The following KCNN2 variants were observed in gnomAD, a reference collection of about 807,000 sequenced individuals.
The protein encoded by KCNN2 is small conductance calcium-activated potassium channel protein 2.
Under a neutral mutation model 55.5 loss-of-function variants are expected in KCNN2, and 24 were observed. The ratio of observed to expected loss-of-function variants is 0.43; its 90% CI spans 0.31 to 0.61. KCNN2 has a LOEUF of 0.61. KCNN2 is among the 20% of genes least tolerant of loss of function. The pLI is 0.08. For missense variants in KCNN2, 754 were observed against 853.6 expected (o/e 0.88, Z 1.45); for synonymous variants, 431 against 336.1 (o/e 1.28, Z -3.09).
intron 5 of KCNN2, among the ~76,000 whole-genome samples, chr5:114,477,355 A>G (rs2150128399): frequency 6.6e-6 from 1 of 152,270 alleles, no homozygotes; most frequent in East Asian, 1.9e-4. Context: ...TTTTCAGGGG[A>G]ACAATTTTAT....
intron 3 of KCNN2, among the ~76,000 whole-genome samples, chr5:114,421,944 T>G (rs1161261168): frequency 6.6e-6 from 1 of 152,234 alleles, no homozygotes; most frequent in Non-Finnish European, 1.5e-5. Flanking sequence ...TATCTGTAAT[T>G]TGGCCACCTT....
intron 5 of KCNN2, chr5:114,486,841 T>G (rs1747575114): frequency 1.7e-6 from 2 of 1,186,458 alleles, no homozygotes; most frequent in Non-Finnish European, 2.3e-6. Flanking sequence ...AGTGGTAGTA[T>G]CTCCCTATTT....
At chr5:114,439,405 G>T (rs139504993) in intron 3 of KCNN2, among the ~76,000 whole-genome samples, 4 of 152,262 alleles carry the variant, frequency 2.6e-5, no homozygotes, top group South Asian at 2.1e-4. Flanking sequence ...AATGTGCACA[G>T]TTCTTACTAA....
chr5:114,138,538 G>A (rs1043726429), intron 1 of KCNN2, among the ~76,000 whole-genome samples: 2 of 152,060 alleles, frequency 1.3e-5, no homozygotes, highest in Non-Finnish European at 2.9e-5. Context: ...AGAAACCACT[G>A]TAGAACCCAA....
At position 114,495,881 on chromosome 5, in the gene KCNN2, A is replaced by G. The variant is rs1357241754; in HGVS notation, c.2089-14A>G. The G allele has an allele frequency of 1.9e-6, 3 of 1,609,438 alleles. No individual in the cohort carries two copies. Among genetic ancestry groups the G allele is most frequent in the Non-Finnish European group, 2.5e-6 (3 of 1,176,638 alleles). On this transcript the variant is annotated splice_polypyrimidine_tract_variant and intron_variant, in intron 7 of 7. Transcript: ENST00000673685. ...GCAAGTATAATTAACCTTCTTCTCA[A>G]TCCTGTTTTTCAGACCCAGAACATC...
At chr5:114,305,929 C>G (rs1371562417) in intron 2 of KCNN2, among the ~76,000 whole-genome samples, 2 of 152,220 alleles carry the variant, frequency 1.3e-5, no homozygotes, top group African/African-American at 4.8e-5. Context: ...GGATTAAACA[C>G]TACCCTGTGG....
chr5:114,339,814 CAAATAAATAAAT>C (rs373432627), intron 2 of KCNN2, among the ~76,000 whole-genome samples: 4 of 147,258 alleles, frequency 2.7e-5, no homozygotes, highest in East Asian at 2.0e-4. Flanking sequence ...AACAAACAAA[CAAATAAATAAAT>C]AAATAAATAA....
At chr5:114,166,396 G>A (rs773191646) in intron 1 of KCNN2, among the ~76,000 whole-genome samples, 15 of 152,100 alleles carry the variant, frequency 9.9e-5, no homozygotes, top group Non-Finnish European at 1.8e-4. Flanking sequence ...TGCTGCCTTC[G>A]CGGTATGTCT....
At chr5:114,431,243 A>T (rs1303169634) in intron 3 of KCNN2, among the ~76,000 whole-genome samples, 1 of 152,042 alleles carries the variant, frequency 6.6e-6, no homozygotes, top group Admixed American at 6.6e-5. Context: ...TTGGAAGGTT[A>T]TTAGTAGTTT....
intron 2 of KCNN2, among the ~76,000 whole-genome samples, chr5:114,287,573 G>T: frequency 1.5e-5 from 2 of 129,520 alleles, no homozygotes; most frequent in East Asian, 4.7e-4. Context: ...ACATGGAGGG[G>T]AACAACACAC....
chr5:114,485,301 C>T (rs1466203997), intron 5 of KCNN2, among the ~76,000 whole-genome samples: 4 of 152,122 alleles, frequency 2.6e-5, no homozygotes, highest in Non-Finnish European at 5.9e-5. Context: ...CATCAGGGCC[C>T]CTTGCCAATC....
chr5:114,219,179 C>T (rs566572136), intron 1 of KCNN2, among the ~76,000 whole-genome samples: 1 of 152,218 alleles, frequency 6.6e-6, no homozygotes, highest in Non-Finnish European at 1.5e-5. Context: ...CCCCAGAGGG[C>T]ATGTGTTACA....
intron 2 of KCNN2, among the ~76,000 whole-genome samples, chr5:114,347,189 C>A (rs1465660809): frequency 6.6e-6 from 1 of 152,032 alleles, no homozygotes; most frequent in Non-Finnish European, 1.5e-5. Context: ...AGAAAATAAT[C>A]CTTGATTGGT....
At chr5:114,124,459 C>A (rs4389680) in intron 1 of KCNN2, among the ~76,000 whole-genome samples, 25,887 of 152,122 alleles carry the variant, frequency 0.17, 2,288 homozygotes, top group Middle Eastern at 0.22. Context: ...GCCTCAAAAA[C>A]CATGATCTGC....
intron 1 of KCNN2, among the ~76,000 whole-genome samples, chr5:114,111,911 A>T (rs1292384645): frequency 1.3e-5 from 2 of 152,174 alleles, no homozygotes; most frequent in Non-Finnish European, 2.9e-5. Context: ...ATTGTGGAAG[A>T]CAGTGTGGTG....
intron 2 of KCNN2, among the ~76,000 whole-genome samples, chr5:114,240,030 A>G (rs1754586363): frequency 1.3e-5 from 2 of 152,184 alleles, no homozygotes; most frequent in Non-Finnish European, 2.9e-5. Context: ...CATTTTAAGA[A>G]ACCGCCATAA....
In KCNN2 at chr5:114,496,315, A is replaced by G. The variant is rs1013069424; in HGVS notation, c.*133A>G. 7.0e-6 allele frequency: 7 copies of G among 1,000,382 alleles called. No homozygotes were observed. Among genetic ancestry groups the G allele is most frequent in the African/African-American group, 1.6e-5 (1 of 61,438 alleles). The allele number at this position is 1,000,382 out of a possible 1,614,324, so 62.0% of individuals were successfully genotyped here. A position where few individuals can be genotyped will look rare whatever the true frequency, so the allele number is the denominator to read the frequency against. ...ATGTCAGAATCCTGGGAACCTGAAC[A>G]CTAAGTTTTAGGCCAAAATGAGTGA... On this transcript the variant is annotated 3_prime_UTR_variant, in exon 8 of 8. Transcript: ENST00000673685.
intron 1 of KCNN2, among the ~76,000 whole-genome samples, chr5:114,189,275 C>T (rs1753401756): frequency 6.6e-6 from 1 of 151,908 alleles, no homozygotes; most frequent in East Asian, 1.9e-4. Flanking sequence ...TGGTACAAAC[C>T]CAGTCTGTGT....
intron 2 of KCNN2, among the ~76,000 whole-genome samples, chr5:114,302,612 C>T (rs1756189719): frequency 6.6e-6 from 1 of 152,026 alleles, no homozygotes; most frequent in African/African-American, 2.4e-5. Context: ...ACACTGCATC[C>T]CTCTTAGAGA....
Sources: gnomAD v4.1 joint callset for allele counts (sites outside exome capture counted in the v4.1 genomes callset) on GRCh38, gnomAD v4.1.1 for gene constraint, MANE v1.5 for transcripts, NCBI Gene and HGNC (gene_info 2026-07-23, HGNC 2026-07-21) for gene names.